The following DNAH9 variants were observed in gnomAD, a reference collection of about 807,000 sequenced individuals.
DNAH9 encodes the protein DNAH9 variant protein.
DNAH9 carries 345 observed loss-of-function variants against 471.6 expected under a neutral mutation model. The ratio of observed to expected loss-of-function variants is 0.73; its 90% CI spans 0.67 to 0.80. The LOEUF (loss-of-function observed/expected upper bound fraction) is 0.80. Ranked by LOEUF, DNAH9 falls within the 30% of genes least tolerant of loss-of-function variation. The pLI, the probability that DNAH9 is intolerant of heterozygous loss-of-function variation, is 0.00. For missense variants in DNAH9, 5,407 were observed against 5,609.2 expected (o/e 0.96, Z 1.15); for synonymous variants, 2,093 against 2,123.6 (o/e 0.99, Z 0.40).
intron 67 of DNAH9, among the ~76,000 whole-genome samples, chr17:11,945,559 T>C (rs890238998): frequency 2.0e-5 from 3 of 151,392 alleles, no homozygotes; most frequent in African/African-American, 4.9e-5. Context: ...AAAAATCACT[T>C]TAAAGTTCTG....
intron 10 of DNAH9, among the ~76,000 whole-genome samples, 189 bp downstream of exon 10, chr17:11,640,573 G>A (rs2073252746): frequency 2.0e-5 from 3 of 152,202 alleles, no homozygotes; most frequent in Non-Finnish European, 4.4e-5. Context: ...GGACTGAAGG[G>A]CAGGGCCCTT....
At chr17:11,808,419 C>A (rs1336232673) in intron 44 of DNAH9, among the ~76,000 whole-genome samples, 1 of 152,124 alleles carries the variant, frequency 6.6e-6, no homozygotes, top group Non-Finnish European at 1.5e-5. Flanking sequence ...TTGTTTTATC[C>A]ATGGCCACAA....
At chr17:11,749,050 C>T (rs1567772153) in intron 32 of DNAH9, among the ~76,000 whole-genome samples, 1 of 143,200 alleles carries the variant, frequency 7.0e-6, no homozygotes, top group African/African-American at 2.5e-5. Flanking sequence ...TTTTTCTTAC[C>T]AATTTTTAAG....
intron 7 of DNAH9, among the ~76,000 whole-genome samples, chr17:11,630,850 G>A (rs990527163): frequency 3.9e-5 from 6 of 152,204 alleles, no homozygotes; most frequent in Non-Finnish European, 8.8e-5. Context: ...CTTGATTGTG[G>A]TGATCATTTC....
chr17:11,904,472 T>C (rs1973518253), intron 60 of DNAH9, among the ~76,000 whole-genome samples: 1 of 150,810 alleles, frequency 6.6e-6, no homozygotes, highest in Non-Finnish European at 1.5e-5. Context: ...CTACTAATAA[T>C]ACAAAAATTA....
intron 43 of DNAH9, among the ~76,000 whole-genome samples, chr17:11,802,799 C>T (rs935278601): frequency 2.6e-5 from 4 of 152,104 alleles, no homozygotes; most frequent in Non-Finnish European, 4.4e-5. Context: ...CACTCGAGCT[C>T]GCATCATCTT....
At chr17:11,745,894 T>TGCAC (rs1367054751) in intron 31 of DNAH9, among the ~76,000 whole-genome samples, 2 of 152,040 alleles carry the variant, frequency 1.3e-5, no homozygotes, top group Non-Finnish European at 2.9e-5. Flanking sequence ...TATTCACACA[T>TGCAC]GCACACACAC....
rs751989846 is a variant in DNAH9, at chr17:11,669,590, A to C, written c.3149A>C (p.Glu1050Ala). 1.2e-6 allele frequency: 2 copies of C among 1,614,080 alleles called. No homozygotes were observed. The highest frequency in any genetic ancestry group is 2.7e-5 in the African/African-American group (2 of 74,938). Residue 1050 changes from glutamate to alanine, a missense_variant, in exon 17 of 69, where the codon GAG becomes GCG. Physicochemically the swap from Glu to Ala is moderately radical, Grantham distance 107. This residue lies in a region of DNAH9 where 4,636 missense variants were observed against 4,900.3 expected (regional missense o/e 0.95). Transcript: ENST00000262442. ...IEDHVEDGIP[E>A]NPPLLSQFKV... ...GACCATGTGGAAGATGGCATCCCAG[A>C]GAACCCTCCCCTCCTTTCTCAGTTT...
intron 27 of DNAH9, among the ~76,000 whole-genome samples, chr17:11,720,359 A>G (rs938213267): frequency 1.6e-4 from 24 of 151,846 alleles, no homozygotes; most frequent in African/African-American, 5.1e-4. Flanking sequence ...TTAACTCATC[A>G]TTTATATTAG....
intron 68 of DNAH9, among the ~76,000 whole-genome samples, chr17:11,965,234 AG>A (rs1265133850): frequency 2.0e-5 from 3 of 152,228 alleles, no homozygotes; most frequent in Non-Finnish European, 4.4e-5. Flanking sequence ...TTGAGGTTCT[AG>A]GAAAACAGGG....
intron 10 of DNAH9, 42 bp downstream of exon 10, chr17:11,640,426 C>A: frequency 7.8e-7 from 1 of 1,274,978 alleles, no homozygotes; most frequent in Non-Finnish European, 1.1e-6. Flanking sequence ...TCTTGGGCTG[C>A]TGTTCCTGCT....
At position 11,651,236 on chromosome 17, in the gene DNAH9, G is replaced by A; in HGVS notation, c.2265G>A (p.Glu755=). ...WYNKVMKTLL[E]VEFPLVEEEL... ...ACAAGGTTATGAAAACTCTGCTGGA[G>A]GTGGAATTTCCATTAGTGGAGGAAG... The change falls in exon 13 of 69, where the codon GAG becomes GAA. Residue 755 remains glutamate, a synonymous_variant. Transcript: ENST00000262442. 1 of 1,614,002 alleles carries A rather than the reference G, an allele frequency of 6.2e-7. No individual in the cohort carries two copies. The highest frequency in any genetic ancestry group is 8.5e-7 in the Non-Finnish European group (1 of 1,179,968).
intron 43 of DNAH9, among the ~76,000 whole-genome samples, chr17:11,799,279 T>C (rs1373957683): frequency 6.6e-6 from 1 of 151,980 alleles, no homozygotes; most frequent in African/African-American, 2.4e-5. Context: ...ACTTCATTCA[T>C]TGGACCAACT....
chr17:11,636,863 A>T, intron 9 of DNAH9, 79 bp downstream of exon 9: 1 of 1,253,102 alleles, frequency 8.0e-7, no homozygotes, highest in South Asian at 1.3e-5. Context: ...TATTTGTTAA[A>T]TGTCCATGTA....
chr17:11,738,150 A>T (rs2075377533), intron 28 of DNAH9, among the ~76,000 whole-genome samples: 1 of 152,172 alleles, frequency 6.6e-6, no homozygotes, highest in South Asian at 2.1e-4. Context: ...CTTCTGTTTT[A>T]TCAGAGATGG....
chr17:11,749,082 T>TTTG (rs1967038187), intron 32 of DNAH9, among the ~76,000 whole-genome samples: 2 of 52,416 alleles, frequency 3.8e-5, no homozygotes, highest in Non-Finnish European at 8.4e-5. Context: ...TTGTTTTTTT[T>TTTG]TTTGTTTTTT....
intron 29 of DNAH9, among the ~76,000 whole-genome samples, chr17:11,740,895 C>T (rs879935929): frequency 5.3e-5 from 8 of 152,048 alleles, no homozygotes; most frequent in Admixed American, 3.9e-4. Flanking sequence ...ATTTTTTTTC[C>T]CAATACTGCA....
intron 50 of DNAH9, among the ~76,000 whole-genome samples, chr17:11,861,329 C>T (rs561224264): frequency 2.0e-5 from 3 of 151,778 alleles, no homozygotes; most frequent in East Asian, 1.9e-4. Flanking sequence ...CCAATTTCAT[C>T]CATGTCCCTA....
intron 28 of DNAH9, among the ~76,000 whole-genome samples, chr17:11,738,007 A>T (rs1003063316): frequency 6.6e-6 from 1 of 152,242 alleles, no homozygotes; most frequent in Non-Finnish European, 1.5e-5. Flanking sequence ...CAAGCTCAGC[A>T]GGTAACTATG....
Sources: gnomAD v4.1 joint callset for allele counts (sites outside exome capture counted in the v4.1 genomes callset) on GRCh38, gnomAD v4.1.1 for gene constraint, gnomAD v4.1.1 regional missense constraint, MANE v1.5 for transcripts, NCBI Gene and HGNC (gene_info 2026-07-23, HGNC 2026-07-21) for gene names.